PARD3B: variants seen among roughly 807,000 people sequenced by gnomAD.
PARD3B encodes the protein partitioning defective 3 homolog B.
PARD3B carries 103 observed loss-of-function variants against 130.2 expected under a neutral mutation model. The observed-to-expected ratio is 0.79, with a 90% CI of 0.67 to 0.93. The LOEUF is 0.93. Ranked by LOEUF, PARD3B falls within the 40% of genes least tolerant of loss-of-function variation. PARD3B has a pLI of 0.00. For synonymous variants in PARD3B, 583 were observed against 553.2 expected (o/e 1.05, Z -0.76); for missense variants, 1,609 against 1,499.2 (o/e 1.07, Z -1.21).
chr2:204,648,637 A>ATATAT (rs1392630983), intron 1 of PARD3B, among the ~76,000 whole-genome samples: 17 of 118,748 alleles, frequency 1.4e-4, no homozygotes, highest in Admixed American at 2.2e-4. Flanking sequence ...TATATATAAT[A>ATATAT]TATATTATAT....
rs955393555 is a variant in PARD3B, at chr2:204,762,627, T to G, written c.222+76345T>G. Among the ~76,000 whole-genome samples the G allele has an allele frequency of 2.0e-5, 3 of 152,242 alleles. No individual in the cohort carries two copies. The South Asian group carries it at 6.2e-4, about 31-fold the overall frequency. Reference sequence around the variant, plus strand: ...ATGGGAATTGGAGTTTTAATTTGTTTCTTTTAATGTCTCAGGTCAGGCAAT... The same window carrying G: ...ATGGGAATTGGAGTTTTAATTTGTTGCTTTTAATGTCTCAGGTCAGGCAAT... On this transcript the variant is annotated intron_variant, in intron 2 of 22. Coordinates refer to ENST00000406610, the MANE Select transcript of PARD3B (RefSeq NM_001302769.2).
At chr2:204,552,945 G>A (rs1020649602) in intron 1 of PARD3B, among the ~76,000 whole-genome samples, 1 of 152,066 alleles carries the variant, frequency 6.6e-6, no homozygotes, top group African/African-American at 2.4e-5. Flanking sequence ...ATGGCAAAAG[G>A]AACAGTCAGC....
At chr2:205,188,512 A>G (rs2036217691) in intron 14 of PARD3B, among the ~76,000 whole-genome samples, 1 of 152,200 alleles carries the variant, frequency 6.6e-6, no homozygotes, top group African/African-American at 2.4e-5. Context: ...CCGACTTGGG[A>G]CTAGCAAGAG....
At chr2:205,472,008 G>C (rs757445910) in intron 20 of PARD3B, among the ~76,000 whole-genome samples, 39 of 152,186 alleles carry the variant, frequency 2.6e-4, no homozygotes, top group Non-Finnish European at 5.9e-5. Context: ...GCTGGTTTCT[G>C]TCTGCACGTA....
rs1003154814 is a variant in PARD3B at position 205,015,769 on chromosome 2, C to G, written c.395-31812C>G. ...GAACAATTGGCCCTATTTGACTTTG[C>G]ATGCCCAGGCCTCAGCACCTTGCCT... On this transcript the variant is annotated intron_variant, in intron 3 of 22. Transcript: ENST00000406610. This position sits in a 1 kb window ranked among gnomAD's most constrained non-coding sequence, Gnocchi z 4.5. Among the ~76,000 whole-genome samples, 28 of 152,186 alleles carry G rather than the reference C, an allele frequency of 1.8e-4. No individual in the cohort carries two copies. The highest frequency in any genetic ancestry group is 3.8e-4 in the Non-Finnish European group (26 of 68,034).
At chr2:204,847,390 T>G (rs2044508586) in intron 2 of PARD3B, among the ~76,000 whole-genome samples, 1 of 152,112 alleles carries the variant, frequency 6.6e-6, no homozygotes. Flanking sequence ...TGAAAAAAAC[T>G]GGAGAGTTTA....
chr2:205,023,864 T>C (rs1031790364), intron 3 of PARD3B, among the ~76,000 whole-genome samples: 3 of 152,120 alleles, frequency 2.0e-5, no homozygotes, highest in African/African-American at 7.2e-5. Flanking sequence ...ATCTTGACTC[T>C]GGTAGCATCT....
Position 205,358,738 on chromosome 2 carries a change from A to T in PARD3B, c.2631-42275A>T, listed in dbSNP as rs979243395. 2.6e-5 allele frequency among the ~76,000 whole-genome samples: 4 copies of T among 152,132 alleles called. 1 individual carries two copies. Among genetic ancestry groups the T allele is most frequent in the South Asian group, 4.1e-4 (2 of 4,822 alleles). The stretch of plus-strand genomic sequence containing the variant: ...TGTGCTTTCCCACCCCCGTCTTTTG[A>T]ATAATTCCTGTTTCATCAGCCACAT... On this transcript the variant is annotated intron_variant, in intron 18 of 22. Transcript: ENST00000406610.
intron 1 of PARD3B, among the ~76,000 whole-genome samples, chr2:204,572,208 T>C (rs902729640): frequency 7.2e-5 from 11 of 152,162 alleles, no homozygotes; most frequent in Non-Finnish European, 1.2e-4. Context: ...CTGGAGATGA[T>C]TTCTGAGATG....
rs77275575 is a variant in PARD3B at position 204,715,945 on chromosome 2, A to G, written c.222+29663A>G. ...TTGAACTGTCACTCGCCTGGCACACAGATTCATAGGCCTCAACCCTGATGT... is the reference window on the plus strand; with the variant it reads ...TTGAACTGTCACTCGCCTGGCACACGGATTCATAGGCCTCAACCCTGATGT... On this transcript the variant is annotated intron_variant, in intron 2 of 22. Transcript: ENST00000406610. Among the ~76,000 whole-genome samples, 589 of 152,290 alleles carry G rather than the reference A, an allele frequency of 3.9e-3. 5 individuals carry two copies. The highest frequency in any genetic ancestry group is 0.013 in the African/African-American group (550 of 41,572).
At chr2:205,602,637 A>AT (rs2054833914) in intron 22 of PARD3B, among the ~76,000 whole-genome samples, 1 of 151,778 alleles carries the variant, frequency 6.6e-6, no homozygotes, top group Non-Finnish European at 1.5e-5. Context: ...TTTCTTCTAA[A>AT]TTTTCTAGTT....
At chr2:204,800,851 C>T (rs1217342562) in intron 2 of PARD3B, among the ~76,000 whole-genome samples, 8 of 152,176 alleles carry the variant, frequency 5.3e-5, no homozygotes, top group Non-Finnish European at 1.0e-4. Flanking sequence ...TTAGGTCTTA[C>T]ATTTAAGTCT....
intron 2 of PARD3B, among the ~76,000 whole-genome samples, chr2:204,845,066 A>T (rs534369462): frequency 6.6e-6 from 1 of 152,160 alleles, no homozygotes; most frequent in Non-Finnish European, 1.5e-5. Context: ...CACGCTGAGG[A>T]TTACCTATGG....
At position 205,263,224 on chromosome 2, in the gene PARD3B, T is replaced by C. The variant is rs1276925017; in HGVS notation, c.2185+17402T>C. On this transcript the variant is annotated intron_variant, in intron 16 of 22. Transcript: ENST00000406610. This position sits in a 1 kb window ranked among gnomAD's most constrained non-coding sequence, Gnocchi z 4.0. ...AGTTAATGGTTCTTTCTCTTCTGTC[T>C]TCAGATTTTCCCTCTTGATTGGCTC... Among the ~76,000 whole-genome samples the C allele has an allele frequency of 6.6e-6, 1 of 152,122 alleles. No individual in the cohort carries two copies. The highest frequency in any genetic ancestry group is 1.5e-5 in the Non-Finnish European group (1 of 68,004).
In PARD3B at chr2:204,552,238, T is replaced by G. The variant is rs145960931; in HGVS notation, c.120+6119T>G. ...ATCAGAAAGGGATCTTCAGCCACTCTTTGGTATCCACAGGTGGTAGAGAGA... is the reference window on the plus strand; with the variant it reads ...ATCAGAAAGGGATCTTCAGCCACTCGTTGGTATCCACAGGTGGTAGAGAGA... On this transcript the variant is annotated intron_variant, in intron 1 of 22. Transcript: ENST00000406610. 2.6e-3 allele frequency among the ~76,000 whole-genome samples: 390 copies of G among 152,306 alleles called. 3 individuals are homozygous for G. Among genetic ancestry groups the G allele is most frequent in the African/African-American group, 8.3e-3 (347 of 41,558 alleles).
chr2:204,738,654 C>G (rs1191687600), intron 2 of PARD3B, among the ~76,000 whole-genome samples: 1 of 152,140 alleles, frequency 6.6e-6, no homozygotes, highest in Non-Finnish European at 1.5e-5. Flanking sequence ...TTGGGATGCT[C>G]TGTTGCAGAG....
intron 10 of PARD3B, among the ~76,000 whole-genome samples, chr2:205,141,456 T>C (rs2032944611): frequency 6.6e-6 from 1 of 152,178 alleles, no homozygotes. Flanking sequence ...CTTTTTTTGG[T>C]TTAATTTGAA....
intron 19 of PARD3B, among the ~76,000 whole-genome samples, chr2:205,434,617 A>G (rs2047447150): frequency 6.6e-6 from 1 of 152,184 alleles, no homozygotes; most frequent in Non-Finnish European, 1.5e-5. Context: ...GTTTATGAAT[A>G]AGTTAAGTCC....
intron 10 of PARD3B, among the ~76,000 whole-genome samples, chr2:205,155,600 A>T (rs1197581262): frequency 2.6e-5 from 4 of 152,188 alleles, no homozygotes; most frequent in Admixed American, 2.6e-4. Flanking sequence ...TTTCCACATC[A>T]TAGTTTATCT....
Sources: allele counts gnomAD v4.1 joint callset (sites outside exome capture counted in the v4.1 genomes callset), GRCh38; gene constraint gnomAD v4.1.1; non-coding constraint Gnocchi (gnomAD v3.1); transcripts MANE v1.5; gene names NCBI Gene and HGNC (gene_info 2026-07-23, HGNC 2026-07-21).